Variants in PCDHA1 observed in about 807,000 individuals in gnomAD.
The protein encoded by PCDHA1 is protocadherin alpha-1.
A neutral mutation model predicts 61.3 loss-of-function variants in PCDHA1; 42 were observed. The ratio of observed to expected loss-of-function variants is 0.69; its 90% CI spans 0.54 to 0.89. The LOEUF (loss-of-function observed/expected upper bound fraction) is 0.89. PCDHA1 is among the 40% of genes least tolerant of loss of function. The pLI is 0.00. For missense variants in PCDHA1, 1,256 were observed against 1,235.3 expected (o/e 1.02, Z -0.25); for synonymous variants, 610 against 553.8 (o/e 1.10, Z -1.43).
intron 1 of PCDHA1, among the ~76,000 whole-genome samples, chr5:140,975,601 G>A (rs943598203): frequency 1.2e-4 from 19 of 152,192 alleles, no homozygotes; most frequent in African/African-American, 4.6e-4. Flanking sequence ...GCAATTTGTT[G>A]ATGTCTTCCA....
At chr5:140,823,866 G>A (rs2150129869) in intron 1 of PCDHA1, 4 of 1,613,776 alleles carry the variant, frequency 2.5e-6, no homozygotes, top group African/African-American at 1.3e-5. Context: ...ATGTCAACGT[G>A]TACCTGATCA....
rs2150162331 is a variant in PCDHA1, at chr5:140,829,080, T to C, written c.2394+40396T>C. ...GCCACGGACAAAGGCCATCCTCCCA[T>C]GGCGGGTCATTGCACCGTTTTAGTG... On this transcript the variant is annotated intron_variant, in intron 1 of 3. Coordinates refer to ENST00000504120, the MANE Select transcript of PCDHA1 (RefSeq NM_018900.4). 15 of 1,611,842 alleles carry C rather than the reference T, an allele frequency of 9.3e-6. No homozygotes were observed. In the African/African-American group the frequency reaches 2.0e-4, roughly 22 times the overall value.
chr5:140,870,391 G>C, intron 1 of PCDHA1: 1 of 1,614,230 alleles, frequency 6.2e-7, no homozygotes, highest in Non-Finnish European at 8.5e-7. Flanking sequence ...GCGGGATGGG[G>C]GTTCGCCTTC....
At chr5:140,928,808 G>A (rs782344407) in intron 1 of PCDHA1, 3 of 1,614,062 alleles carry the variant, frequency 1.9e-6, no homozygotes, top group Non-Finnish European at 2.5e-6. Flanking sequence ...GTAGTGGTTC[G>A]GGACCATGGA....
chr5:140,902,044 A>AT (rs1222362795), intron 1 of PCDHA1, among the ~76,000 whole-genome samples: 6 of 152,016 alleles, frequency 3.9e-5, no homozygotes, highest in Non-Finnish European at 5.9e-5. Flanking sequence ...TTGTATGTTG[A>AT]TTTTGTATCC....
At chr5:140,917,335 G>GGGGGGGGGGT in intron 1 of PCDHA1, among the ~76,000 whole-genome samples, 2 of 146,518 alleles carry the variant, frequency 1.4e-5, no homozygotes, top group Non-Finnish European at 3.1e-5. Flanking sequence ...GGGGGAGGGG[G>GGGGGGGGGGT]GGGATGGTGT....
chr5:140,802,602 C>T (rs782651284), intron 1 of PCDHA1: 8 of 1,613,840 alleles, frequency 5.0e-6, no homozygotes, highest in African/African-American at 2.7e-5. Context: ...GGAGAACAAC[C>T]CGCCGGGCTG....
At chr5:140,927,349 G>T in intron 1 of PCDHA1, 1 of 1,614,016 alleles carries the variant, frequency 6.2e-7, no homozygotes, top group Non-Finnish European at 8.5e-7. Flanking sequence ...AGATGACGAC[G>T]AGGGAAGCAA....
At chr5:141,001,143 G>T (rs1310182286) in intron 3 of PCDHA1, among the ~76,000 whole-genome samples, 1 of 151,914 alleles carries the variant, frequency 6.6e-6, no homozygotes, top group Admixed American at 6.5e-5. Context: ...ATCTTCTGTT[G>T]CTCTGATCTT....
chr5:140,892,596 T>C (rs143701120), intron 1 of PCDHA1, among the ~76,000 whole-genome samples: 79 of 152,254 alleles, frequency 5.2e-4, no homozygotes, highest in African/African-American at 1.4e-3. Flanking sequence ...CATTCACCTA[T>C]TTTTTTCCTT....
intron 1 of PCDHA1, among the ~76,000 whole-genome samples, chr5:140,892,375 A>G (rs1032467069): frequency 1.3e-5 from 2 of 152,226 alleles, no homozygotes; most frequent in African/African-American, 4.8e-5. Flanking sequence ...GGCACTAGCA[A>G]TCATGGGTAA....
intron 1 of PCDHA1, among the ~76,000 whole-genome samples, chr5:140,908,419 A>G (rs782714084): frequency 6.6e-6 from 1 of 152,196 alleles, no homozygotes; most frequent in Non-Finnish European, 1.5e-5. Context: ...TGATGATGGA[A>G]TGCTGCTGTG....
At chr5:140,938,210 T>G (rs1355577102) in intron 1 of PCDHA1, among the ~76,000 whole-genome samples, 2 of 152,140 alleles carry the variant, frequency 1.3e-5, no homozygotes, top group East Asian at 3.8e-4. Flanking sequence ...CCTCCCAAAG[T>G]GCTGGGATTA....
chr5:140,926,629 G>A, intron 1 of PCDHA1: 1 of 406,364 alleles, frequency 2.5e-6, no homozygotes, highest in African/African-American at 2.1e-5. Context: ...GCGGCGCTGC[G>A]CTCCTCAACA....
intron 1 of PCDHA1, among the ~76,000 whole-genome samples, chr5:140,962,792 T>C (rs1554226245): frequency 6.6e-6 from 1 of 152,234 alleles, no homozygotes; most frequent in African/African-American, 2.4e-5. Context: ...AAAAACTACT[T>C]TGGACAACTC....
At chr5:140,969,232 C>G in intron 1 of PCDHA1, 1 of 1,614,066 alleles carries the variant, frequency 6.2e-7, no homozygotes, top group Non-Finnish European at 8.5e-7. Flanking sequence ...CTTCGGGAGC[C>G]CAAGCAGCAG....
chr5:140,850,745 C>T, intron 1 of PCDHA1: 1 of 1,597,954 alleles, frequency 6.3e-7, no homozygotes. Context: ...GTTGGTCGTA[C>T]TCGCAGCAGA....
intron 1 of PCDHA1, chr5:140,817,339 T>C (rs1238360865): frequency 6.6e-6 from 1 of 152,278 alleles, no homozygotes; most frequent in Non-Finnish European, 1.5e-5. Context: ...TTACACTTGC[T>C]TGGAGCCCAG....
At position 140,809,114 on chromosome 5, in the gene PCDHA1, C is replaced by T. The variant is rs782409819; in HGVS notation, c.2394+20430C>T. 1.7e-5 allele frequency: 28 copies of T among 1,613,844 alleles called. 1 individual carries two copies. Among genetic ancestry groups the T allele is most frequent in the South Asian group, 7.7e-5 (7 of 91,090 alleles). On this transcript the variant is annotated intron_variant, in intron 1 of 3. Transcript: ENST00000504120. ...GCGTGCCCTGGACGAAACGGACGCT[C>T]CGCGCCACCGCCTACTGGTACTGGT...
Sources: allele counts gnomAD v4.1 joint callset (sites outside exome capture counted in the v4.1 genomes callset), GRCh38; gene constraint gnomAD v4.1.1; transcripts MANE v1.5; gene names NCBI Gene and HGNC (gene_info 2026-07-23, HGNC 2026-07-21).